The following HMGXB4 variants were observed in gnomAD, a reference collection of about 807,000 sequenced individuals.
HMGXB4 encodes HMG-box containing 4, also known as HMG domain-containing protein 4.
In HMGXB4, 27 loss-of-function variants were observed where a neutral mutation model predicts 63.9. The observed-to-expected ratio is 0.42, with a 90% CI of 0.31 to 0.58. The LOEUF (loss-of-function observed/expected upper bound fraction) is 0.58, where lower values mean the gene tolerates loss of function less well. HMGXB4 is among the 20% of genes least tolerant of loss of function. The probability of loss-of-function intolerance (pLI) is 0.13; values close to 1 mark genes in which losing one functional copy is unlikely to be tolerated. For missense variants in HMGXB4, 624 were observed against 700.7 expected (o/e 0.89, Z 1.24); for synonymous variants, 264 against 265.3 (o/e 0.99, Z 0.05).
At chr22:35,292,932 A>T in intron 9 of HMGXB4, 60 bp from the exon 10 acceptor site, 1 of 1,607,716 alleles carries the variant, frequency 6.2e-7, no homozygotes, top group Admixed American at 1.7e-5. Flanking sequence ...TGTGTGAGGA[A>T]GTCAGCCGGA....
chr22:35,242,521 T>C, the HMGXB4 span, among the ~76,000 whole-genome samples: 19 of 151,046 alleles, frequency 1.3e-4, no homozygotes, highest in South Asian at 2.9e-3. Flanking sequence ...TTACTGATAA[T>C]AGTAATCTGC....
chr22:35,245,629 G>C, the HMGXB4 span, among the ~76,000 whole-genome samples: 2 of 151,948 alleles, frequency 1.3e-5, no homozygotes, highest in Non-Finnish European at 2.9e-5. Flanking sequence ...TGCACATTTG[G>C]GGTATTATGT....
rs145147733 is a variant in HMGXB4, at chr22:35,265,182, A to G, written c.794A>G (p.Glu265Gly). 3.1e-6 allele frequency: 5 copies of G among 1,613,988 alleles called. No individual in the cohort carries two copies. Among genetic ancestry groups the G allele is most frequent in the Non-Finnish European group, 4.2e-6 (5 of 1,180,018 alleles). Residue 265 changes from glutamate (E) to glycine (G), a missense_variant, in exon 5 of 11, where the codon GAA (glutamate) becomes GGA (glycine). Glu to Gly is a moderately conservative substitution (Grantham distance 98, BLOSUM62 -2). Coordinates refer to ENST00000216106, the MANE Select transcript of HMGXB4 (RefSeq NM_001003681.3). ...SSDAHSSPGP[E>G]GCGSDASQFA... is the part of the protein sequence containing the mutation. ...GACGCACATTCATCTCCTGGCCCTGAAGGCTGTGGGTCTGACGCCTCCCAG... is the reference window on the plus strand; with the variant it reads ...GACGCACATTCATCTCCTGGCCCTGGAGGCTGTGGGTCTGACGCCTCCCAG...
At position 35,295,210 on chromosome 22, in the gene HMGXB4, A is replaced by C. The variant is rs1222669529; in HGVS notation, c.*1559A>C. The C allele has an allele frequency of 6.6e-6, 1 of 152,194 alleles. No individual in the cohort carries two copies. The highest frequency in any genetic ancestry group is 1.9e-4 in the East Asian group (1 of 5,194). 9.4% of individuals were successfully genotyped at this position (152,194 alleles called of 1,614,324 possible). A position where few individuals can be genotyped will look rare whatever the true frequency, so the allele number is the denominator to read the frequency against. The stretch of plus-strand genomic sequence containing the variant: ...AGTGTAGCCCATCTGCATCCTATTT[A>C]ATTTCTTCCCTTCTCCCCACCAGTG... On this transcript the variant is annotated 3_prime_UTR_variant, in exon 11 of 11. Transcript: ENST00000216106.
intron 6 of HMGXB4, 66 bp downstream of exon 6, chr22:35,284,109 T>C: frequency 9.6e-7 from 1 of 1,045,952 alleles, no homozygotes; most frequent in East Asian, 2.4e-5. Flanking sequence ...TGCGATTAAT[T>C]TCTTCTTCCT....
chr22:35,276,597 G>A (rs955229457), intron 5 of HMGXB4, among the ~76,000 whole-genome samples: 57 of 152,164 alleles, frequency 3.7e-4, no homozygotes, highest in African/African-American at 1.3e-3. Context: ...GCGAGGGTGT[G>A]TATGTGTTTG....
At chr22:35,275,372 G>A (rs1034867238) in intron 5 of HMGXB4, among the ~76,000 whole-genome samples, 7 of 151,854 alleles carry the variant, frequency 4.6e-5, no homozygotes, top group Non-Finnish European at 7.4e-5. Context: ...CACCTGCCTC[G>A]GCCTCCCAAA....
chr22:35,250,323 C>T, the HMGXB4 span, among the ~76,000 whole-genome samples: 140 of 152,208 alleles, frequency 9.2e-4, no homozygotes, highest in South Asian at 1.9e-3. Context: ...CTTCTAGTGA[C>T]GAAACTTACA....
chr22:35,260,159 A>G (rs1184175781), intron 1 of HMGXB4, among the ~76,000 whole-genome samples: 1 of 152,242 alleles, frequency 6.6e-6, no homozygotes, highest in East Asian at 1.9e-4. Context: ...ATACAAGTGC[A>G]TTTTGTTGTT....
the HMGXB4 span, among the ~76,000 whole-genome samples, chr22:35,248,493 A>C: frequency 6.8e-6 from 1 of 147,168 alleles, no homozygotes; most frequent in Non-Finnish European, 1.5e-5. Flanking sequence ...CGTAGTCTAC[A>C]CCTCCCAGGT....
chr22:35,262,457 G>C (rs1372043290), intron 2 of HMGXB4, 36 bp downstream of exon 2: 3 of 1,599,324 alleles, frequency 1.9e-6, no homozygotes, highest in Admixed American at 1.7e-5. Flanking sequence ...TTCCAAAGGG[G>C]GTATCCTCTT....
upstream of HMGXB4, among the ~76,000 whole-genome samples, chr22:35,253,510 T>G (rs1170042150): frequency 6.6e-6 from 1 of 152,254 alleles, no homozygotes; most frequent in African/African-American, 2.4e-5. Flanking sequence ...AATGTCCTAT[T>G]GCAACTTTGT....
intron 5 of HMGXB4, among the ~76,000 whole-genome samples, chr22:35,277,057 A>G (rs1271567311): frequency 6.6e-6 from 1 of 152,170 alleles, no homozygotes; most frequent in East Asian, 1.9e-4. Flanking sequence ...AACAACATCC[A>G]TTTACTGTCT....
intron 1 of HMGXB4, among the ~76,000 whole-genome samples, chr22:35,259,685 G>A (rs920340973): frequency 1.5e-4 from 23 of 152,262 alleles, no homozygotes; most frequent in African/African-American, 3.9e-4. Context: ...AGGGCCCATC[G>A]GTCTGCCCAA....
chr22:35,251,392 T>C, the HMGXB4 span, among the ~76,000 whole-genome samples: 1 of 152,144 alleles, frequency 6.6e-6, no homozygotes, highest in Non-Finnish European at 1.5e-5. Flanking sequence ...CCTATAACTT[T>C]CCAAAACAAT....
At chr22:35,260,376 C>T (rs1922771466) in intron 1 of HMGXB4, among the ~76,000 whole-genome samples, 1 of 152,156 alleles carries the variant, frequency 6.6e-6, no homozygotes, top group African/African-American at 2.4e-5. Context: ...AGAGGATATG[C>T]TGTTTTCAAA....
At position 35,295,271 on chromosome 22, in the gene HMGXB4, C is replaced by T. The variant is rs920451241; in HGVS notation, c.*1620C>T. On this transcript the variant is annotated 3_prime_UTR_variant, in exon 11 of 11. Transcript: ENST00000216106. ...GCTATGTTGCTTAAAGGTAGTCTGG[C>T]TGCTGAATCCCTTTCTCAGCTCAGA... 3 of 152,260 alleles carry T rather than the reference C, an allele frequency of 2.0e-5. No homozygotes were observed. Among genetic ancestry groups the T allele is most frequent in the African/African-American group, 7.2e-5 (3 of 41,462 alleles). 9.4% of individuals were successfully genotyped at this position (152,260 alleles called of 1,614,324 possible).
chr22:35,264,251 ATGCACAT>A (rs1319621351), intron 4 of HMGXB4, among the ~76,000 whole-genome samples: 2 of 152,218 alleles, frequency 1.3e-5, no homozygotes, highest in Non-Finnish European at 1.5e-5. Flanking sequence ...TAGCTATGTT[ATGCACAT>A]AGCTGATGAG....
chr22:35,258,843 T>A (rs1922641342), intron 1 of HMGXB4, among the ~76,000 whole-genome samples: 2 of 152,222 alleles, frequency 1.3e-5, no homozygotes, highest in Non-Finnish European at 2.9e-5. Flanking sequence ...GCTCTCATCC[T>A]GGAACAGACC....
Sources: gnomAD v4.1 joint callset for allele counts (sites outside exome capture counted in the v4.1 genomes callset) on GRCh38, gnomAD v4.1.1 for gene constraint, MANE v1.5 for transcripts, NCBI Gene and HGNC (gene_info 2026-07-23, HGNC 2026-07-21) for gene names.